Variants in SSTR3 observed in about 807,000 individuals in gnomAD.
SSTR3 encodes somatostatin receptor type 3.
For missense variants in SSTR3, 504 were observed against 604.7 expected, an observed-to-expected ratio of 0.83 and a Z score of 1.75; for synonymous variants, 281 against 269.2, an observed-to-expected ratio of 1.04 and a Z score of -0.43.
upstream of SSTR3, among the ~76,000 whole-genome samples, chr22:37,212,972 A>T (rs762762947): frequency 1.3e-5 from 2 of 152,348 alleles, no homozygotes; most frequent in East Asian, 3.9e-4. Context: ...GTGAGAAAAC[A>T]GATTTTTACT....
chr22:37,218,339 CT>C, the SSTR3 span, among the ~76,000 whole-genome samples: 2 of 152,290 alleles, frequency 1.3e-5, no homozygotes, highest in South Asian at 4.1e-4. Flanking sequence ...GGAGGATCAC[CT>C]GGGGTGGGAG....
the SSTR3 span, among the ~76,000 whole-genome samples, chr22:37,220,148 CA>C: frequency 6.6e-6 from 1 of 152,128 alleles, no homozygotes; most frequent in African/African-American, 2.4e-5. Context: ...TGTTCTTCAA[CA>C]GAGGCACCAA....
upstream of SSTR3, among the ~76,000 whole-genome samples, chr22:37,213,974 C>A (rs1926331485): frequency 6.6e-6 from 1 of 152,228 alleles, no homozygotes; most frequent in Non-Finnish European, 1.5e-5. Flanking sequence ...TCTACCCCTG[C>A]CGTGCACTGA....
the SSTR3 span, among the ~76,000 whole-genome samples, chr22:37,220,422 C>T: frequency 7.2e-5 from 11 of 152,256 alleles, no homozygotes; most frequent in African/African-American, 2.4e-4. Flanking sequence ...TGTGGTGGCA[C>T]ATGCCTGTAG....
rs780770327 is a variant in SSTR3, at chr22:37,206,831, G to A, written c.973C>T (p.Arg325Cys). 30 of 1,612,886 alleles carry A rather than the reference G, an allele frequency of 1.9e-5. No individual in the cohort carries two copies. Among genetic ancestry groups the A allele is most frequent in the East Asian group, 6.7e-5 (3 of 44,894 alleles). The change falls in exon 2 of 2, where the codon CGC (arginine) becomes TGC (cysteine). Residue 325 changes from arginine (R) to cysteine (C), a missense_variant. Arg to Cys is a radical substitution (Grantham distance 180). Transcript: ENST00000610913. Reference sequence around the variant, plus strand: ...CGGGAGGGCCGCAGCAGGACCCTGCGGAAGCCCTGCTTGAAGCGGTAGGAG... The same window carrying A: ...CGGGAGGGCCGCAGCAGGACCCTGCAGAAGCCCTGCTTGAAGCGGTAGGAG... ...FLSYRFKQGFRRVLLRPSRRV... is the reference protein window; with the variant it reads ...FLSYRFKQGFCRVLLRPSRRV...
At chr22:37,210,761 G>C in intron 1 of SSTR3, 1 of 985,506 alleles carries the variant, frequency 1.0e-6, no homozygotes, top group Non-Finnish European at 1.2e-6. Flanking sequence ...AGTTCAGGGA[G>C]GCCAGGCACC....
upstream of SSTR3, among the ~76,000 whole-genome samples, chr22:37,213,396 T>G (rs554236672): frequency 6.6e-6 from 1 of 152,236 alleles, no homozygotes; most frequent in Non-Finnish European, 1.5e-5. Flanking sequence ...ACCTACTATG[T>G]GCCAGGCTGT....
Position 37,206,786 on chromosome 22 carries a change from G to T in SSTR3, c.1018C>A (p.Pro340Thr). The T allele has an allele frequency of 6.2e-7, 1 of 1,611,672 alleles. No individual in the cohort carries two copies. The highest frequency in any genetic ancestry group is 8.5e-7 in the Non-Finnish European group (1 of 1,179,874). Residue 340 changes from proline to threonine, a missense_variant, in exon 2 of 2, where the codon CCC becomes ACC. Pro to Thr is a conservative substitution (Grantham distance 38, BLOSUM62 -1). Transcript: ENST00000610913. ...RPSRRVRSQE[P>T]TVGPPEKTEE... ...GTCTTCTCCGGGGGCCCCACAGTGG[G>T]CTCCTGGCTGCGCACACGGCGGGAG...
At chr22:37,214,911 G>A (rs377405268), upstream of SSTR3, among the ~76,000 whole-genome samples, 228 of 152,172 alleles carry the variant, frequency 1.5e-3, 1 homozygote, top group African/African-American at 5.2e-3. Flanking sequence ...CCGGTGCCGC[G>A]AGTCCCTAGC....
the SSTR3 span, among the ~76,000 whole-genome samples, chr22:37,218,049 C>G: frequency 6.6e-6 from 1 of 152,206 alleles, no homozygotes; most frequent in East Asian, 1.9e-4. Context: ...GCATTCTGTA[C>G]TCATTTGTGG....
chr22:37,212,068 C>A lies in SSTR3; in HGVS notation c.-280G>T. 1 of 985,748 alleles carries A rather than the reference C, an allele frequency of 1.0e-6. No individual in the cohort carries two copies. The highest frequency in any genetic ancestry group is 1.2e-6 in the Non-Finnish European group (1 of 830,200). The allele number at this position is 985,748 out of a possible 1,614,324, so 61.1% of individuals were successfully genotyped here. On this transcript the variant is annotated 5_prime_UTR_variant, in exon 1 of 2. Coordinates refer to ENST00000610913, the MANE Select transcript of SSTR3 (RefSeq NM_001051.5). ...CCAACCAGAGCCTGGTACGTCACCC[C>A]CCATCTCCAGGACACATCCTGGGGG...
Position 37,204,439 on chromosome 22 carries a change from TC to T in SSTR3, c.*2107del, listed in dbSNP as rs1310705842. On this transcript the variant is annotated 3_prime_UTR_variant, in exon 2 of 2. Transcript: ENST00000610913. ...CTTCCTCAAGAAACCCCAGACCAAG[TC>T]CCAGGGCCGGGCCTCCAGCCTCCAT... 6.6e-6 allele frequency: 1 copy of T among 152,330 alleles called. No individual in the cohort carries two copies. The highest frequency in any genetic ancestry group is 2.4e-5 in the African/African-American group (1 of 41,420). The allele number at this position is 152,330 out of a possible 1,614,324, so 9.4% of individuals were successfully genotyped here.
In SSTR3 at chr22:37,204,597, C is replaced by T. The variant is rs555759273; in HGVS notation, c.*1950G>A. 6.6e-6 allele frequency: 1 copy of T among 152,428 alleles called. No individual in the cohort carries two copies. The highest frequency in any genetic ancestry group is 1.9e-4 in the East Asian group (1 of 5,188). The allele number at this position is 152,428 out of a possible 1,614,324, so 9.4% of individuals were successfully genotyped here. A position where few individuals can be genotyped will look rare whatever the true frequency, so the allele number is the denominator to read the frequency against. On this transcript the variant is annotated 3_prime_UTR_variant, in exon 2 of 2. Coordinates refer to ENST00000610913, the MANE Select transcript of SSTR3 (RefSeq NM_001051.5). ...TTTCTCATGGCCTACAGTGTCCTCACCCCAAAGGACAGACACAGAGAGGCC... is the reference window on the plus strand; with the variant it reads ...TTTCTCATGGCCTACAGTGTCCTCATCCCAAAGGACAGACACAGAGAGGCC...
rs181287310 is a variant in SSTR3 at position 37,204,694 on chromosome 22, C to A, written c.*1853G>T. 1 of 152,346 alleles carries A rather than the reference C, an allele frequency of 6.6e-6. No individual in the cohort carries two copies. Among genetic ancestry groups the A allele is most frequent in the East Asian group, 1.9e-4 (1 of 5,182 alleles). 9.4% of individuals were successfully genotyped at this position (152,346 alleles called of 1,614,324 possible). ...CACCCCCACTTTATAATCTGATACA[C>A]CCCACCGTACCCATTGCAGTGAGCC... is the stretch of plus-strand genomic sequence containing the variant. On this transcript the variant is annotated 3_prime_UTR_variant, in exon 2 of 2. Transcript: ENST00000610913.
intron 1 of SSTR3, 145 bp from the exon 2 acceptor site, chr22:37,207,984 G>T: frequency 7.6e-7 from 1 of 1,317,976 alleles, no homozygotes; most frequent in Non-Finnish European, 9.7e-7. Flanking sequence ...TGCTTAGCAC[G>T]CACCATCTCA....
chr22:37,217,789 C>T, the SSTR3 span, among the ~76,000 whole-genome samples: 4 of 152,104 alleles, frequency 2.6e-5, no homozygotes, highest in Non-Finnish European at 5.9e-5. Flanking sequence ...TTGCAACCTC[C>T]GCCTCCTGGG....
At chr22:37,213,978 GC>G (rs1315167433), upstream of SSTR3, among the ~76,000 whole-genome samples, 7 of 152,322 alleles carry the variant, frequency 4.6e-5, no homozygotes, top group African/African-American at 1.7e-4. Flanking sequence ...CCCCTGCCGT[GC>G]ACTGAACTTA....
upstream of SSTR3, among the ~76,000 whole-genome samples, chr22:37,216,292 A>G (rs1476758546): frequency 6.9e-6 from 1 of 143,920 alleles, no homozygotes; most frequent in Non-Finnish European, 1.5e-5. Flanking sequence ...TTATGTCTTA[A>G]TCCCTCAATT....
chr22:37,210,941 T>A (rs1472828329), intron 1 of SSTR3: 4 of 985,294 alleles, frequency 4.1e-6, no homozygotes, highest in Non-Finnish European at 4.8e-6. Flanking sequence ...TGGGACATTG[T>A]CCCCGGATGG....
Sources: allele counts gnomAD v4.1 joint callset (sites outside exome capture counted in the v4.1 genomes callset), GRCh38; gene constraint gnomAD v4.1.1; transcripts MANE v1.5; gene names NCBI Gene and HGNC (gene_info 2026-07-23, HGNC 2026-07-21).